The following SNX13 variants were observed in gnomAD, a reference collection of about 807,000 sequenced individuals.
SNX13 encodes sorting nexin 13, also known as sorting nexin-13.
In SNX13, 45 loss-of-function variants were observed where a neutral mutation model predicts 133.6. The ratio of observed to expected loss-of-function variants is 0.34; its 90% confidence interval spans 0.27 to 0.43. SNX13 has a LOEUF of 0.43. Among genes scored for constraint, SNX13 ranks in the 20% least tolerant of loss-of-function variants. SNX13 has a pLI of 1.00. For synonymous variants in SNX13, 414 were observed against 373.9 expected (o/e 1.11, Z -1.24); for missense variants, 1,032 against 1,145.1 (o/e 0.90, Z 1.43).
intron 13 of SNX13, among the ~76,000 whole-genome samples, chr7:17,835,824 T>G (rs1423234746): frequency 6.6e-6 from 1 of 151,960 alleles, no homozygotes; most frequent in Non-Finnish European, 1.5e-5. Context: ...ATTTGACGCT[T>G]TTGTTAGTAA....
chr7:17,847,694 G>C (rs1790711957), intron 11 of SNX13, among the ~76,000 whole-genome samples: 1 of 152,152 alleles, frequency 6.6e-6, no homozygotes, highest in Non-Finnish European at 1.5e-5. Flanking sequence ...TCTCTAAAGA[G>C]CAACTATCGT....
At chr7:17,845,408 G>C (rs528192762) in intron 12 of SNX13, among the ~76,000 whole-genome samples, 187 bp downstream of exon 12, 1 of 152,226 alleles carries the variant, frequency 6.6e-6, no homozygotes, top group East Asian at 1.9e-4. Context: ...TGTTTAATGA[G>C]TAGAGTTTCA....
chr7:17,867,743 G>A (rs530880509), intron 9 of SNX13, among the ~76,000 whole-genome samples: 4 of 152,214 alleles, frequency 2.6e-5, no homozygotes, highest in African/African-American at 9.6e-5. Flanking sequence ...CAAATGTAGA[G>A]TAGAAATCCC....
At chr7:17,863,870 C>G (rs1348769084) in intron 9 of SNX13, among the ~76,000 whole-genome samples, 1 of 152,200 alleles carries the variant, frequency 6.6e-6, no homozygotes. Context: ...GCATGAAAGA[C>G]TTTGTCTGGT....
intron 19 of SNX13, 102 bp from the exon 20 acceptor site, chr7:17,815,046 A>G: frequency 8.3e-7 from 1 of 1,204,696 alleles, no homozygotes; most frequent in Non-Finnish European, 1.1e-6. Flanking sequence ...AAGAATGTAT[A>G]GTAAAAAATA....
intron 1 of SNX13, among the ~76,000 whole-genome samples, chr7:17,915,452 C>A (rs1283985624): frequency 6.6e-6 from 1 of 152,166 alleles, no homozygotes; most frequent in Non-Finnish European, 1.5e-5. Context: ...ATTGTAAGCC[C>A]GTCAATGATA....
chr7:17,940,223 C>G (rs1237825841), intron 1 of SNX13, 61 bp downstream of exon 1: 2 of 1,550,538 alleles, frequency 1.3e-6, no homozygotes, highest in Non-Finnish European at 1.7e-6. Context: ...TGTTCTCTGA[C>G]GGGCTGGCGC....
intron 24 of SNX13, among the ~76,000 whole-genome samples, chr7:17,798,054 T>C (rs1784244426): frequency 6.6e-6 from 1 of 151,906 alleles, no homozygotes; most frequent in East Asian, 1.9e-4. Flanking sequence ...TTTCCTTCCC[T>C]TCAAAATACA....
At chr7:17,895,795 T>G (rs1401126059) in intron 2 of SNX13, among the ~76,000 whole-genome samples, 1 of 152,232 alleles carries the variant, frequency 6.6e-6, no homozygotes, top group African/African-American at 2.4e-5. Context: ...TCTTCTCTTT[T>G]TCCTAAATTT....
chr7:17,886,437 G>A (rs531669308), intron 5 of SNX13, among the ~76,000 whole-genome samples: 20 of 151,888 alleles, frequency 1.3e-4, no homozygotes, highest in Non-Finnish European at 1.6e-4. Context: ...GTGTAGTGGC[G>A]TGCGCTTATA....
At chr7:17,938,940 T>C (rs563359174) in intron 1 of SNX13, among the ~76,000 whole-genome samples, 3 of 152,212 alleles carry the variant, frequency 2.0e-5, no homozygotes, top group South Asian at 2.1e-4. Flanking sequence ...CACAAACTTA[T>C]GCTATAACCA....
chr7:17,861,901 T>C (rs1792752523), intron 9 of SNX13, among the ~76,000 whole-genome samples: 1 of 152,194 alleles, frequency 6.6e-6, no homozygotes, highest in African/African-American at 2.4e-5. Flanking sequence ...TTTAACAAAC[T>C]TCCACTCCTG....
At chr7:17,799,502 T>C (rs1006014133) in intron 22 of SNX13, among the ~76,000 whole-genome samples, 8 of 151,766 alleles carry the variant, frequency 5.3e-5, no homozygotes, top group Admixed American at 1.3e-4. Flanking sequence ...CCTTTGTCTA[T>C]TTTCTGATGC....
rs1291067061 is a variant in SNX13, at chr7:17,816,177, C to CGTA, written c.1953+4_1953+5insTAC. Reference sequence around the variant, plus strand: ...ATCTGTGGATTATAGTAAACATGAGCTTACCTGCAAATATGCATTTAGATC... The same window carrying CGTA: ...ATCTGTGGATTATAGTAAACATGAGCGTATTACCTGCAAATATGCATTTAGATC... On this transcript the variant is annotated splice_donor_region_variant and intron_variant, in intron 19 of 25. Transcript: ENST00000428135. 4 of 1,529,382 alleles carry CGTA rather than the reference C, an allele frequency of 2.6e-6. No individual in the cohort carries two copies. The highest frequency in any genetic ancestry group is 3.5e-6 in the Non-Finnish European group (4 of 1,136,654). The allele number at this position is 1,529,382 out of a possible 1,614,324, so 94.7% of individuals were successfully genotyped here.
intron 1 of SNX13, among the ~76,000 whole-genome samples, chr7:17,930,125 A>T (rs2128046331): frequency 2.9e-5 from 1 of 34,236 alleles, no homozygotes; most frequent in South Asian, 4.5e-4. Context: ...AAAGAATAAG[A>T]ATAAAGAAAT....
chr7:17,933,213 C>G (rs556389582), intron 1 of SNX13, among the ~76,000 whole-genome samples: 32 of 152,320 alleles, frequency 2.1e-4, no homozygotes, highest in African/African-American at 6.5e-4. Flanking sequence ...TGGTAACCCT[C>G]AAATAAATCA....
chr7:17,824,559 T>C (rs1046409597), intron 17 of SNX13, among the ~76,000 whole-genome samples: 1 of 151,904 alleles, frequency 6.6e-6, no homozygotes, highest in Admixed American at 6.6e-5. Flanking sequence ...ATCTCACAGG[T>C]AAGGAAATTG....
chr7:17,819,437 G>A (rs898108493), intron 18 of SNX13, among the ~76,000 whole-genome samples: 1 of 151,994 alleles, frequency 6.6e-6, no homozygotes, highest in Non-Finnish European at 1.5e-5. Flanking sequence ...ATGTTGCCCA[G>A]GCTGGTCTCA....
chr7:17,805,256 CGCGCGCGCGCA>C (rs1785138904), intron 20 of SNX13, among the ~76,000 whole-genome samples: 1 of 58,236 alleles, frequency 1.7e-5, no homozygotes, highest in Non-Finnish European at 3.6e-5. Flanking sequence ...TGTGTGCGTG[CGCGCGCGCGCA>C]TGCATGCACA....
Sources: allele counts gnomAD v4.1 joint callset (sites outside exome capture counted in the v4.1 genomes callset), GRCh38; gene constraint gnomAD v4.1.1; transcripts MANE v1.5; gene names NCBI Gene and HGNC (gene_info 2026-07-23, HGNC 2026-07-21).